The following CD2AP variants were observed in gnomAD, a reference collection of about 807,000 sequenced individuals.
The protein encoded by CD2AP is CD2-associated protein.
Under a neutral mutation model 85.1 loss-of-function variants are expected in CD2AP, and 46 were observed. The observed-to-expected ratio is 0.54, with a 90% CI of 0.43 to 0.69. CD2AP has a LOEUF of 0.69. CD2AP is among the 30% of genes least tolerant of loss of function. The pLI is 0.00. For synonymous variants in CD2AP, 255 were observed against 252.9 expected (o/e 1.01, Z -0.08); for missense variants, 769 against 729.5 (o/e 1.05, Z -0.62).
intron 17 of CD2AP, among the ~76,000 whole-genome samples, chr6:47,615,535 AAG>A (rs1769553298): frequency 1.3e-5 from 2 of 151,986 alleles, no homozygotes; most frequent in Non-Finnish European, 2.9e-5. Context: ...GAGAGGGAGT[AAG>A]AGAGAGAGTG....
chr6:47,618,516 G>T (rs1218674585), intron 17 of CD2AP, among the ~76,000 whole-genome samples: 4 of 151,862 alleles, frequency 2.6e-5, no homozygotes, highest in Non-Finnish European at 5.9e-5. Flanking sequence ...ATACATATTA[G>T]ATATCTAATA....
intron 2 of CD2AP, among the ~76,000 whole-genome samples, chr6:47,526,248 G>A (rs968189393): frequency 1.3e-5 from 2 of 152,156 alleles, no homozygotes; most frequent in Non-Finnish European, 2.9e-5. Context: ...ATTGGTGAGA[G>A]TGTATGTGTG....
chr6:47,570,567 C>G (rs1410212003), intron 5 of CD2AP, among the ~76,000 whole-genome samples: 1 of 151,922 alleles, frequency 6.6e-6, no homozygotes. Flanking sequence ...GGCTGTTTTC[C>G]CTTTTATACT....
Position 47,567,327 on chromosome 6 carries a change from C to T in CD2AP, c.542-6737C>T, listed in dbSNP as rs146408038. 1.6e-3 allele frequency among the ~76,000 whole-genome samples: 245 copies of T among 151,994 alleles called. 1 individual carries two copies. Among genetic ancestry groups the T allele is most frequent in the Middle Eastern group, 6.8e-3 (2 of 294 alleles). On this transcript the variant is annotated intron_variant, in intron 5 of 17. Transcript: ENST00000359314. Reference sequence around the variant, plus strand: ...AAATCTGAAATTTAAAAGTCAAAGCCGGCAAAGGGAAATTCTAGATATAAA... The same window carrying T: ...AAATCTGAAATTTAAAAGTCAAAGCTGGCAAAGGGAAATTCTAGATATAAA...
chr6:47,483,275 CTA>C, intron 1 of CD2AP, among the ~76,000 whole-genome samples: 1 of 152,218 alleles, frequency 6.6e-6, no homozygotes, highest in Middle Eastern at 3.4e-3. Flanking sequence ...GGATGGAGGT[CTA>C]TATGTGCCTA....
In CD2AP at chr6:47,478,229, C is replaced by A. The variant is rs768055057; in HGVS notation, c.-16C>A. ...GGAGGAGCGGACGTCGGCTTCTCCC[C>A]GCGGGAGCCCCCAGCATGGGTAAGA... is the stretch of plus-strand genomic sequence containing the variant. On this transcript the variant is annotated 5_prime_UTR_variant, in exon 1 of 18. Coordinates refer to ENST00000359314, the MANE Select transcript of CD2AP (RefSeq NM_012120.3). The A allele has an allele frequency of 8.9e-6, 14 of 1,569,200 alleles. No individual in the cohort carries two copies. The highest frequency in any genetic ancestry group is 1.2e-5 in the Non-Finnish European group (14 of 1,157,754).
intron 1 of CD2AP, among the ~76,000 whole-genome samples, chr6:47,498,909 A>C (rs1217893817): frequency 1.3e-5 from 2 of 152,218 alleles, no homozygotes. Context: ...CCATATCACA[A>C]TACAACCATA....
At chr6:47,597,101 A>G (rs1406478752) in intron 12 of CD2AP, among the ~76,000 whole-genome samples, 1 of 143,744 alleles carries the variant, frequency 7.0e-6, no homozygotes, top group African/African-American at 2.5e-5. Context: ...GCTAAGCACT[A>G]TTCTGTTGGC....
rs530912858 is a variant in CD2AP, at chr6:47,536,603, C to T, written c.319+2848C>T. Among the ~76,000 whole-genome samples, 231 of 152,208 alleles carry T rather than the reference C, an allele frequency of 1.5e-3. 1 individual carries two copies. The highest frequency in any genetic ancestry group is 5.0e-3 in the African/African-American group (209 of 41,554). Reference sequence around the variant, plus strand: ...GGCTTTTTTGGGATAGTAATGAAGCCGTGAAAACTTTTGCTATGATCCATT... The same window carrying T: ...GGCTTTTTTGGGATAGTAATGAAGCTGTGAAAACTTTTGCTATGATCCATT... On this transcript the variant is annotated intron_variant, in intron 3 of 17. Coordinates refer to ENST00000359314, the MANE Select transcript of CD2AP (RefSeq NM_012120.3).
intron 8 of CD2AP, among the ~76,000 whole-genome samples, chr6:47,579,116 C>T (rs1768392410): frequency 6.6e-6 from 1 of 152,044 alleles, no homozygotes; most frequent in Non-Finnish European, 1.5e-5. Context: ...CTGTTTAGTT[C>T]CAGCCAGGCA....
At chr6:47,514,571 G>A (rs1766403807) in intron 2 of CD2AP, among the ~76,000 whole-genome samples, 1 of 152,136 alleles carries the variant, frequency 6.6e-6, no homozygotes, top group African/African-American at 2.4e-5. Context: ...GTAAACAAAT[G>A]CTTAGTTGAC....
chr6:47,525,826 C>T (rs1766706310), intron 2 of CD2AP, among the ~76,000 whole-genome samples: 1 of 152,042 alleles, frequency 6.6e-6, no homozygotes, highest in Admixed American at 6.6e-5. Flanking sequence ...TGGAGATTAT[C>T]CATATTGTAT....
intron 2 of CD2AP, among the ~76,000 whole-genome samples, chr6:47,522,331 G>C (rs1463621601): frequency 6.6e-6 from 1 of 152,196 alleles, no homozygotes; most frequent in African/African-American, 2.4e-5. Context: ...AGTATTTGTT[G>C]ATAAGGGGAT....
intron 17 of CD2AP, 67 bp downstream of exon 17, chr6:47,612,603 C>A: frequency 9.3e-7 from 1 of 1,073,830 alleles, no homozygotes; most frequent in Non-Finnish European, 1.4e-6. Context: ...CCCAACCCAA[C>A]TGGGTAATCG....
At chr6:47,598,800 G>A (rs927983619) in intron 12 of CD2AP, among the ~76,000 whole-genome samples, 1 of 150,718 alleles carries the variant, frequency 6.6e-6, no homozygotes, top group African/African-American at 2.4e-5. Flanking sequence ...ATTGGGTACA[G>A]TGTGCACTGC....
chr6:47,505,513 C>T (rs1348708593), intron 2 of CD2AP, among the ~76,000 whole-genome samples: 2 of 150,564 alleles, frequency 1.3e-5, no homozygotes, highest in Non-Finnish European at 3.0e-5. Flanking sequence ...CCGCCATTGT[C>T]ATCCTGGCCC....
chr6:47,569,751 A>C (rs1041128250), intron 5 of CD2AP, among the ~76,000 whole-genome samples: 13 of 152,086 alleles, frequency 8.5e-5, no homozygotes, highest in Non-Finnish European at 2.9e-5. Context: ...TCGTGTGCCA[A>C]AGATAGTAGA....
At chr6:47,523,630 A>G (rs977887309) in intron 2 of CD2AP, among the ~76,000 whole-genome samples, 6 of 152,184 alleles carry the variant, frequency 3.9e-5, no homozygotes, top group Non-Finnish European at 7.4e-5. Context: ...AGAGTAATTC[A>G]TTCTGTGACT....
chr6:47,529,889 C>T (rs1766826651), intron 2 of CD2AP, among the ~76,000 whole-genome samples: 1 of 152,158 alleles, frequency 6.6e-6, no homozygotes, highest in Non-Finnish European at 1.5e-5. Flanking sequence ...ATTTTACCAC[C>T]CTTATCATCT....
Sources: allele counts gnomAD v4.1 joint callset (sites outside exome capture counted in the v4.1 genomes callset), GRCh38; gene constraint gnomAD v4.1.1; transcripts MANE v1.5; gene names NCBI Gene and HGNC (gene_info 2026-07-23, HGNC 2026-07-21).